Variants in OSBPL10 observed in about 807,000 individuals in gnomAD.
The protein encoded by OSBPL10 is oxysterol-binding protein-related protein 10.
In OSBPL10, 49 loss-of-function variants were observed where a neutral mutation model predicts 81.7. The ratio of observed to expected loss-of-function variants is 0.60; its 90% confidence interval spans 0.48 to 0.76. The LOEUF (loss-of-function observed/expected upper bound fraction) is 0.76. Ranked by LOEUF, OSBPL10 falls within the 30% of genes least tolerant of loss-of-function variation. OSBPL10 has a pLI of 0.00. For missense variants in OSBPL10, 923 were observed against 987.8 expected (o/e 0.93, Z 0.88); for synonymous variants, 419 against 383.6 (o/e 1.09, Z -1.08).
At chr3:31,688,743 A>C (rs575908956) in intron 7 of OSBPL10, among the ~76,000 whole-genome samples, 1 of 152,230 alleles carries the variant, frequency 6.6e-6, no homozygotes, top group Non-Finnish European at 1.5e-5. Flanking sequence ...GAATATTCAC[A>C]TACATACCAA....
chr3:31,878,220 A>G (rs1340143036), intron 2 of OSBPL10, among the ~76,000 whole-genome samples: 1 of 152,258 alleles, frequency 6.6e-6, no homozygotes, highest in Non-Finnish European at 1.5e-5. Flanking sequence ...TGGCAAAACA[A>G]GATGGCTCAA....
In OSBPL10 at chr3:31,662,405, C is replaced by G. The variant is rs986137640; in HGVS notation, c.2251-289G>C. 4 of 1,151,934 alleles carry G rather than the reference C, an allele frequency of 3.5e-6. No individual in the cohort carries two copies. The Admixed American group carries it at 1.4e-4, about 42-fold the overall frequency. 71.4% of individuals were successfully genotyped at this position (1,151,934 alleles called of 1,614,324 possible). A position where few individuals can be genotyped will look rare whatever the true frequency, so the allele number is the denominator to read the frequency against. On this transcript the variant is annotated intron_variant, in intron 11 of 11. Coordinates refer to ENST00000396556, the MANE Select transcript of OSBPL10 (RefSeq NM_017784.5). Reference sequence around the variant, plus strand: ...TGATTACTTGGCCAAAAAAAAGAAGCACTTTGACAGTGGGACAAGAGAAAA... The same window carrying G: ...TGATTACTTGGCCAAAAAAAAGAAGGACTTTGACAGTGGGACAAGAGAAAA...
At chr3:32,042,131 A>G (rs1201019912) in intron 2 of OSBPL10, among the ~76,000 whole-genome samples, 1 of 152,200 alleles carries the variant, frequency 6.6e-6, no homozygotes, top group Non-Finnish European at 1.5e-5. Context: ...CCACAGCTCC[A>G]CTAAGGCCTC....
rs34915200 is a variant in OSBPL10 at position 31,942,534 on chromosome 3, C to CAAAA, written c.281+38361_281+38364dup. Among the ~76,000 whole-genome samples the CAAAA allele has an allele frequency of 1.0e-3, 83 of 79,432 alleles. 1 individual carries two copies. Among genetic ancestry groups the CAAAA allele is most frequent in the Middle Eastern group, 7.6e-3 (1 of 132 alleles). The allele number at this position is 79,432 out of a possible 152,430, so 52.1% of individuals were successfully genotyped here. A position where few individuals can be genotyped will look rare whatever the true frequency, so the allele number is the denominator to read the frequency against. ...TGGGCGACAGGGTGAGACTCCATCT[C>CAAAA]AAAAAAAAAAAAAAAAAAAAAGTGA... On this transcript the variant is annotated intron_variant, in intron 1 of 11. Transcript: ENST00000396556.
At chr3:31,728,430 C>T (rs758967029) in intron 6 of OSBPL10, among the ~76,000 whole-genome samples, 1 of 152,302 alleles carries the variant, frequency 6.6e-6, no homozygotes. Flanking sequence ...TATTTACCCT[C>T]AAATAATTAA....
intron 4 of OSBPL10, among the ~76,000 whole-genome samples, chr3:31,824,043 G>C (rs1700044100): frequency 6.6e-6 from 1 of 152,038 alleles, no homozygotes; most frequent in Non-Finnish European, 1.5e-5. Flanking sequence ...GGTAGAGATG[G>C]GGTTTCATTA....
intron 4 of OSBPL10, among the ~76,000 whole-genome samples, chr3:31,777,782 C>A (rs1698582470): frequency 6.6e-6 from 1 of 152,186 alleles, no homozygotes; most frequent in Non-Finnish European, 1.5e-5. Flanking sequence ...AAGGATTTAA[C>A]CTTACCTAGA....
chr3:32,014,407 A>G (rs1390780108), intron 2 of OSBPL10, among the ~76,000 whole-genome samples: 3 of 152,226 alleles, frequency 2.0e-5, no homozygotes, highest in African/African-American at 7.2e-5. Context: ...CCTTCATGCT[A>G]AAAACTCTCA....
chr3:31,791,129 T>C (rs1698997285), intron 4 of OSBPL10, among the ~76,000 whole-genome samples: 1 of 152,174 alleles, frequency 6.6e-6, no homozygotes, highest in Non-Finnish European at 1.5e-5. Context: ...AAACAAAACA[T>C]TTTTTGTTTT....
intron 6 of OSBPL10, 129 bp from the exon 7 acceptor site, chr3:31,702,637 CCA>C: frequency 7.6e-7 from 1 of 1,324,132 alleles, no homozygotes; most frequent in Non-Finnish European, 1.0e-6. Flanking sequence ...CCTCTGTGAC[CCA>C]GTCCTATTGG....
At chr3:31,952,864 C>A (rs1432236430) in intron 1 of OSBPL10, among the ~76,000 whole-genome samples, 2 of 151,762 alleles carry the variant, frequency 1.3e-5, no homozygotes, top group East Asian at 3.9e-4. Flanking sequence ...GGGGAAGGGT[C>A]CTATATTCTG....
intron 6 of OSBPL10, among the ~76,000 whole-genome samples, chr3:31,716,604 T>C (rs1331987285): frequency 2.0e-5 from 3 of 152,178 alleles, no homozygotes; most frequent in Non-Finnish European, 2.9e-5. Flanking sequence ...GGTGGTGTGC[T>C]ACCAGCCCCT....
chr3:31,682,871 A>G (rs1178902004), intron 8 of OSBPL10, among the ~76,000 whole-genome samples: 1 of 152,210 alleles, frequency 6.6e-6, no homozygotes, highest in Non-Finnish European at 1.5e-5. Context: ...AGTGAATGAA[A>G]GGTGCTCTTA....
At chr3:32,055,730 A>G (rs1214623308) in intron 1 of OSBPL10, among the ~76,000 whole-genome samples, 1 of 152,206 alleles carries the variant, frequency 6.6e-6, no homozygotes, top group Non-Finnish European at 1.5e-5. Context: ...AACCTGACTT[A>G]TAGAACCAAT....
chr3:31,789,817 A>G (rs1698966227), intron 4 of OSBPL10, among the ~76,000 whole-genome samples: 1 of 152,194 alleles, frequency 6.6e-6, no homozygotes, highest in South Asian at 2.1e-4. Flanking sequence ...GGATGACTGG[A>G]CTATGCACCA....
At chr3:31,686,159 G>A (rs539970371) in intron 7 of OSBPL10, among the ~76,000 whole-genome samples, 1 of 152,272 alleles carries the variant, frequency 6.6e-6, no homozygotes, top group East Asian at 1.9e-4. Context: ...CTCACCAGAA[G>A]CCAGCCAGAT....
At chr3:31,793,467 A>G (rs1194105920) in intron 4 of OSBPL10, among the ~76,000 whole-genome samples, 1 of 152,158 alleles carries the variant, frequency 6.6e-6, no homozygotes, top group Admixed American at 6.5e-5. Context: ...TAATGTAACC[A>G]CTCACTGCTT....
At chr3:31,931,247 A>C (rs1422256255) in intron 1 of OSBPL10, among the ~76,000 whole-genome samples, 1 of 152,048 alleles carries the variant, frequency 6.6e-6, no homozygotes, top group African/African-American at 2.4e-5. Flanking sequence ...ATTCAAATTA[A>C]ATTTTTAAAA....
At chr3:31,877,313 A>G (rs1189438423) in intron 2 of OSBPL10, among the ~76,000 whole-genome samples, 2 of 152,174 alleles carry the variant, frequency 1.3e-5, no homozygotes, top group Non-Finnish European at 2.9e-5. Context: ...GTATGCTCTC[A>G]AAGATTCATA....
Sources: allele counts gnomAD v4.1 joint callset (sites outside exome capture counted in the v4.1 genomes callset), GRCh38; gene constraint gnomAD v4.1.1; transcripts MANE v1.5; gene names NCBI Gene and HGNC (gene_info 2026-07-23, HGNC 2026-07-21).